ASXL2: variants seen among roughly 807,000 people sequenced by gnomAD.
ASXL2 encodes putative Polycomb group protein ASXL2.
A neutral mutation model predicts 122.0 loss-of-function variants in ASXL2; 23 were observed. The observed-to-expected ratio is 0.19, with a 90% CI of 0.14 to 0.27. The LOEUF is 0.27. ASXL2 is among the 10% of genes least tolerant of loss of function. The pLI is 1.00. For synonymous variants in ASXL2, 650 were observed against 637.0 expected, an observed-to-expected ratio of 1.02 and a Z score of -0.31; for missense variants, 1,518 against 1,713.8, an observed-to-expected ratio of 0.89 and a Z score of 2.02.
intron 3 of ASXL2, among the ~76,000 whole-genome samples, chr2:25,817,026 A>G (rs1011168553): frequency 6.6e-6 from 1 of 152,116 alleles, no homozygotes. Flanking sequence ...TTGGGAGGCT[A>G]AGGCATGAGA....
At chr2:25,872,070 G>C (rs1331286472) in intron 1 of ASXL2, among the ~76,000 whole-genome samples, 1 of 152,180 alleles carries the variant, frequency 6.6e-6, no homozygotes, top group Non-Finnish European at 1.5e-5. Context: ...GCAGAGATCA[G>C]AGGAAAATTC....
intron 12 of ASXL2, among the ~76,000 whole-genome samples, chr2:25,747,972 GC>G (rs1380293915): frequency 6.6e-6 from 1 of 151,948 alleles, no homozygotes; most frequent in Non-Finnish European, 1.5e-5. Context: ...TTCAAGACCA[GC>G]CTGGCCAACA....
intron 8 of ASXL2, among the ~76,000 whole-genome samples, chr2:25,761,429 C>G (rs887622405): frequency 6.6e-6 from 1 of 152,116 alleles, no homozygotes; most frequent in African/African-American, 2.4e-5. Flanking sequence ...AATCGCAGCA[C>G]TCTGGGAGGC....
intron 3 of ASXL2, among the ~76,000 whole-genome samples, chr2:25,834,409 C>T (rs1307648050): frequency 6.6e-6 from 1 of 152,032 alleles, no homozygotes; most frequent in Non-Finnish European, 1.5e-5. Context: ...TTCAAACAAA[C>T]ATAACACAAA....
At chr2:25,800,047 C>T (rs1420177515) in intron 4 of ASXL2, among the ~76,000 whole-genome samples, 1 of 150,108 alleles carries the variant, frequency 6.7e-6, no homozygotes, top group African/African-American at 2.5e-5. Context: ...CCTGTAGTCA[C>T]AGCTACTTGG....
intron 11 of ASXL2, among the ~76,000 whole-genome samples, chr2:25,750,864 C>A (rs1361734125): frequency 6.6e-6 from 1 of 152,144 alleles, no homozygotes; most frequent in African/African-American, 2.4e-5. Flanking sequence ...ACCCTTCCAC[C>A]CTGTGATTGT....
At chr2:25,843,814 T>TAAAAAAAAAAAA (rs541446675) in intron 2 of ASXL2, among the ~76,000 whole-genome samples, 2 of 86,538 alleles carry the variant, frequency 2.3e-5, no homozygotes, top group Admixed American at 1.3e-4. Context: ...CTCCATCTCT[T>TAAAAAAAAAAAA]AAAAAAAAAA....
chr2:25,767,565 C>A lies in ASXL2; in HGVS notation c.775+18G>T. ...AAATCATGGCAATGAAAACTGAAGTCTTTGTAAGCAAACTTACTGGTATGG... is the reference window on the plus strand; with the variant it reads ...AAATCATGGCAATGAAAACTGAAGTATTTGTAAGCAAACTTACTGGTATGG... On this transcript the variant is annotated intron_variant, in intron 8 of 12. Transcript: ENST00000435504. The A allele has an allele frequency of 6.2e-7, 1 of 1,606,082 alleles. No homozygotes were observed. Among genetic ancestry groups the A allele is most frequent in the South Asian group, 1.1e-5 (1 of 89,578 alleles).
chr2:25,861,925 T>C (rs1021335780), intron 1 of ASXL2, among the ~76,000 whole-genome samples: 2 of 152,206 alleles, frequency 1.3e-5, no homozygotes, highest in African/African-American at 4.8e-5. Context: ...AAGTAAATGA[T>C]AGCAGGCAGA....
At chr2:25,833,430 C>T (rs1418114585) in intron 3 of ASXL2, among the ~76,000 whole-genome samples, 1 of 152,178 alleles carries the variant, frequency 6.6e-6, no homozygotes, top group Non-Finnish European at 1.5e-5. Context: ...CATGGTGGCT[C>T]ATGCCTGTAA....
At chr2:25,753,470 A>G (rs1442970731) in intron 11 of ASXL2, 64 bp downstream of exon 11, 3 of 1,157,708 alleles carry the variant, frequency 2.6e-6, no homozygotes, top group Non-Finnish European at 3.7e-6. Flanking sequence ...GTAATGAGAT[A>G]AAGCACTACA....
chr2:25,829,613 G>T (rs2089426647), intron 3 of ASXL2, among the ~76,000 whole-genome samples: 1 of 152,136 alleles, frequency 6.6e-6, no homozygotes, highest in African/African-American at 2.4e-5. Context: ...TTTATATTGA[G>T]ATTCAGAGTT....
intron 3 of ASXL2, among the ~76,000 whole-genome samples, chr2:25,821,083 G>A (rs1404571080): frequency 6.6e-6 from 1 of 152,190 alleles, no homozygotes; most frequent in Non-Finnish European, 1.5e-5. Flanking sequence ...GGAGGCTGAG[G>A]CAGGAGAACA....
intron 1 of ASXL2, among the ~76,000 whole-genome samples, chr2:25,846,310 G>C (rs1409245972): frequency 6.6e-6 from 1 of 152,128 alleles, no homozygotes; most frequent in Non-Finnish European, 1.5e-5. Flanking sequence ...ACCAGCAGTG[G>C]CTAACCTTGC....
At chr2:25,820,114 C>T (rs944531828) in intron 3 of ASXL2, among the ~76,000 whole-genome samples, 2 of 152,202 alleles carry the variant, frequency 1.3e-5, no homozygotes, top group South Asian at 2.1e-4. Context: ...GACGGGCTCG[C>T]TTTGTTGCCC....
intron 3 of ASXL2, among the ~76,000 whole-genome samples, chr2:25,807,464 G>A (rs976565511): frequency 1.6e-4 from 25 of 152,154 alleles, no homozygotes; most frequent in African/African-American, 5.3e-4. Flanking sequence ...TTTTGCAGAA[G>A]AAACTATTGA....
At position 25,771,421 on chromosome 2, in the gene ASXL2, A is replaced by G. The variant is rs985452624; in HGVS notation, c.504+19T>C. 3.1e-6 allele frequency: 5 copies of G among 1,590,018 alleles called. No individual in the cohort carries two copies. The African/African-American group carries it at 6.7e-5, about 21-fold the overall frequency. ...ATACAGGAAATTCTACTTGATAAAT[A>G]CAGACTAGCAATGCTTACCTGCTTT... On this transcript the variant is annotated intron_variant, in intron 6 of 12. Transcript: ENST00000435504.
At chr2:25,842,017 C>A (rs2089586970) in intron 2 of ASXL2, among the ~76,000 whole-genome samples, 1 of 149,246 alleles carries the variant, frequency 6.7e-6, no homozygotes, top group Non-Finnish European at 1.5e-5. Flanking sequence ...GAGGCTGAGG[C>A]AGGAAAATCA....
At chr2:25,868,591 G>C (rs1006407203) in intron 1 of ASXL2, among the ~76,000 whole-genome samples, 2 of 152,216 alleles carry the variant, frequency 1.3e-5, no homozygotes, top group Admixed American at 6.5e-5. Context: ...AGGTCCAAAT[G>C]TAACTCAAAA....
Sources: gnomAD v4.1 joint callset for allele counts (sites outside exome capture counted in the v4.1 genomes callset) on GRCh38, gnomAD v4.1.1 for gene constraint, MANE v1.5 for transcripts, NCBI Gene and HGNC (gene_info 2026-07-23, HGNC 2026-07-21) for gene names.